EDARADD: variants seen among roughly 807,000 people sequenced by gnomAD.
EDARADD encodes the protein EDAR associated via death domain, also known as ectodysplasin-A receptor-associated adapter protein.
EDARADD carries 20 observed loss-of-function variants against 25.6 expected under a neutral mutation model. The ratio of observed to expected loss-of-function variants is 0.78; its 90% CI spans 0.55 to 1.14. EDARADD has a LOEUF of 1.14. EDARADD is among the 50% of genes most tolerant of loss of function. The pLI is 0.00. For missense variants in EDARADD, 225 were observed against 270.1 expected (o/e 0.83, Z 1.17); for synonymous variants, 86 against 94.4 (o/e 0.91, Z 0.52).
chr1:236,455,323 C>T (rs909502545), intron 4 of EDARADD, among the ~76,000 whole-genome samples: 11 of 152,156 alleles, frequency 7.2e-5, no homozygotes, highest in African/African-American at 2.7e-4. Flanking sequence ...GAAGTCATTA[C>T]ATACAGTATG....
At chr1:236,411,503 T>C (rs1402343305) in intron 2 of EDARADD, among the ~76,000 whole-genome samples, 1 of 149,632 alleles carries the variant, frequency 6.7e-6, no homozygotes, top group East Asian at 1.9e-4. Flanking sequence ...TTCTTCTCCT[T>C]CTCCCTCTCC....
At chr1:236,352,333 A>T (rs988510636) in intron 3 of EDARADD, among the ~76,000 whole-genome samples, 5 of 152,228 alleles carry the variant, frequency 3.3e-5, no homozygotes, top group African/African-American at 1.2e-4. Flanking sequence ...GTGGAACTTC[A>T]GCATGAATGG....
intron 4 of EDARADD, among the ~76,000 whole-genome samples, chr1:236,466,981 G>A (rs1426767063): frequency 6.6e-6 from 1 of 152,002 alleles, no homozygotes; most frequent in Non-Finnish European, 1.5e-5. Flanking sequence ...GCAGGAGAAT[G>A]GCGTGAACCC....
intron 4 of EDARADD, among the ~76,000 whole-genome samples, chr1:236,460,114 A>G (rs1215662411): frequency 6.6e-6 from 1 of 152,052 alleles, no homozygotes; most frequent in Non-Finnish European, 1.5e-5. Flanking sequence ...CCTAGAATGG[A>G]TTCTTACACT....
At chr1:236,409,020 G>A (rs903667374) in intron 1 of EDARADD, among the ~76,000 whole-genome samples, 196 bp from the exon 2 acceptor site, 1 of 149,080 alleles carries the variant, frequency 6.7e-6, no homozygotes, top group African/African-American at 2.5e-5. Flanking sequence ...GCCTTCCAAA[G>A]TGCTGGGATT....
chr1:236,472,379 A>G (rs960233051), intron 5 of EDARADD, among the ~76,000 whole-genome samples: 17 of 152,092 alleles, frequency 1.1e-4, no homozygotes, highest in African/African-American at 3.9e-4. Flanking sequence ...AAAAATTCCC[A>G]CGTCCTCCCT....
At chr1:236,350,969 G>T (rs1350940223) in intron 3 of EDARADD, 1 of 151,996 alleles carries the variant, frequency 6.6e-6, no homozygotes, top group Non-Finnish European at 1.5e-5. Flanking sequence ...AACAATTTAG[G>T]AACTGCCTCT....
intron 4 of EDARADD, among the ~76,000 whole-genome samples, chr1:236,465,171 C>G (rs573679956): frequency 6.6e-6 from 1 of 152,300 alleles, no homozygotes; most frequent in African/African-American, 2.4e-5. Flanking sequence ...ATTCTTCCCC[C>G]TTCTCTGTCC....
chr1:236,429,359 A>G (rs909791869), intron 4 of EDARADD, among the ~76,000 whole-genome samples: 1 of 150,256 alleles, frequency 6.7e-6, no homozygotes, highest in Non-Finnish European at 1.5e-5. Context: ...GGTGCGCGCC[A>G]CCATGCCCGG....
upstream of EDARADD, among the ~76,000 whole-genome samples, chr1:236,393,557 G>C (rs190028923): frequency 1.3e-5 from 2 of 151,950 alleles, no homozygotes; most frequent in Non-Finnish European, 2.9e-5. Context: ...CACCAATCCA[G>C]CTAAGTTTTT....
At chr1:236,357,663 A>G (rs1666995621) in intron 3 of EDARADD, among the ~76,000 whole-genome samples, 1 of 151,956 alleles carries the variant, frequency 6.6e-6, no homozygotes, top group African/African-American at 2.4e-5. Flanking sequence ...GAGTGCAGCA[A>G]GAGGTGCCAC....
intron 1 of EDARADD, among the ~76,000 whole-genome samples, chr1:236,402,537 A>G (rs1361815105): frequency 1.3e-5 from 2 of 152,180 alleles, no homozygotes; most frequent in Non-Finnish European, 2.9e-5. Flanking sequence ...AGCCTGGGTG[A>G]GAGAGTGAAA....
chr1:236,450,008 T>G (rs1388136842), intron 4 of EDARADD, among the ~76,000 whole-genome samples: 2 of 151,274 alleles, frequency 1.3e-5, no homozygotes, highest in Non-Finnish European at 2.9e-5. Context: ...GGCTGAGGCA[T>G]GAGAATCCCT....
chr1:236,477,007 A>G (rs1013374937), intron 5 of EDARADD, among the ~76,000 whole-genome samples: 2 of 150,668 alleles, frequency 1.3e-5, no homozygotes, highest in African/African-American at 4.9e-5. Context: ...TATATATAGT[A>G]TCCAAATAAA....
At chr1:236,372,851 G>A (rs188769353) in intron 3 of EDARADD, among the ~76,000 whole-genome samples, 6 of 149,620 alleles carry the variant, frequency 4.0e-5, no homozygotes, top group African/African-American at 1.5e-4. Context: ...GCATAGAGTT[G>A]TTCATAATAT....
intron 4 of EDARADD, among the ~76,000 whole-genome samples, chr1:236,428,709 A>G (rs34904395): frequency 0.22 from 20,179 of 91,166 alleles, 1,781 homozygotes; most frequent in Non-Finnish European, 0.34. Context: ...CCGGGCAGAG[A>G]CGCTCCTCAC....
At chr1:236,351,689 A>G (rs1666916626) in intron 3 of EDARADD, among the ~76,000 whole-genome samples, 2 of 144,078 alleles carry the variant, frequency 1.4e-5, no homozygotes, top group African/African-American at 5.2e-5. Context: ...TAGCCTGGCA[A>G]CAGAGCGAGA....
At chr1:236,463,791 C>T (rs1659105844) in intron 4 of EDARADD, among the ~76,000 whole-genome samples, 1 of 152,188 alleles carries the variant, frequency 6.6e-6, no homozygotes, top group East Asian at 1.9e-4. Flanking sequence ...ATCTCACCTC[C>T]CTTCAGGCTT....
chr1:236,355,382 T>A (rs1479899297), intron 3 of EDARADD, among the ~76,000 whole-genome samples: 2 of 152,142 alleles, frequency 1.3e-5, no homozygotes, highest in East Asian at 3.9e-4. Flanking sequence ...AAAATGTATT[T>A]GTGTGTTAGA....
Sources: gnomAD v4.1 joint callset for allele counts (sites outside exome capture counted in the v4.1 genomes callset) on GRCh38, gnomAD v4.1.1 for gene constraint, MANE v1.5 for transcripts, NCBI Gene and HGNC (gene_info 2026-07-23, HGNC 2026-07-21) for gene names.